The following PREPL variants were observed in gnomAD, a reference collection of about 807,000 sequenced individuals.
The protein encoded by PREPL is prolyl endopeptidase like, also known as prolyl endopeptidase-like.
A neutral mutation model predicts 70.6 loss-of-function variants in PREPL; 77 were observed. The ratio of observed to expected loss-of-function variants is 1.09; its 90% CI spans 0.91 to 1.32. PREPL has a LOEUF of 1.32. Among genes scored for constraint, PREPL ranks in the 40% most tolerant of loss-of-function variants. PREPL has a pLI of 0.00. For missense variants in PREPL, 1,002 were observed against 778.2 expected, an observed-to-expected ratio of 1.29 and a Z score of -3.42; for synonymous variants, 315 against 264.8, an observed-to-expected ratio of 1.19 and a Z score of -1.84.
intron 8 of PREPL, among the ~76,000 whole-genome samples, chr2:44,331,802 G>C (rs980693164): frequency 2.0e-5 from 3 of 152,124 alleles, no homozygotes; most frequent in Admixed American, 6.5e-5. Flanking sequence ...GACTGTATCA[G>C]TCTAGTTTAC....
chr2:44,333,674 T>C (rs1275638741), intron 7 of PREPL, among the ~76,000 whole-genome samples: 1 of 152,172 alleles, frequency 6.6e-6, no homozygotes, highest in Non-Finnish European at 1.5e-5. Context: ...GACACACATC[T>C]GCAATCTCTA....
intron 3 of PREPL, among the ~76,000 whole-genome samples, 200 bp downstream of exon 3, chr2:44,344,320 C>T (rs1012690353): frequency 2.6e-5 from 4 of 151,894 alleles, no homozygotes; most frequent in Non-Finnish European, 4.4e-5. Context: ...TGCTGGATGC[C>T]GTCTCCATTC....
chr2:44,334,215 C>A (rs1674408476), intron 7 of PREPL, among the ~76,000 whole-genome samples: 1 of 152,038 alleles, frequency 6.6e-6, no homozygotes, highest in South Asian at 2.1e-4. Context: ...ATGGACAGCA[C>A]CAGAGAGTAA....
chr2:44,329,888 T>C (rs1056341680), intron 8 of PREPL, among the ~76,000 whole-genome samples: 1 of 152,208 alleles, frequency 6.6e-6, no homozygotes, highest in African/African-American at 2.4e-5. Flanking sequence ...GATAAAGAAA[T>C]TGGTTTTCAC....
chr2:44,333,040 A>T (rs1674279531), intron 7 of PREPL, among the ~76,000 whole-genome samples: 1 of 152,204 alleles, frequency 6.6e-6, no homozygotes, highest in Admixed American at 6.5e-5. Context: ...GTTCTCAAAG[A>T]ACGTGAAATT....
At position 44,321,376 on chromosome 2, in the gene PREPL, T is replaced by A. The variant is rs1236302020; in HGVS notation, c.1897A>T (p.Lys633Ter). The change falls in exon 14 of 14, where the codon AAG (lysine) becomes TAG (stop). Residue 633 changes from lysine (K) to a stop codon, truncating the protein, a stop_gained. Coordinates refer to ENST00000409411, the MANE Select transcript of PREPL (RefSeq NM_001171613.2). LOFTEE classifies it high-confidence loss of function. ...LDSTSVFEDLKKYLKF is the reference protein window; with the variant it reads ...LDSTSVFEDL ...GTGTTTCAGAATTTCAGGTATTTCTTAAGATCCTCGAAAACACTGGTGCTG... is the reference window on the plus strand; with the variant it reads ...GTGTTTCAGAATTTCAGGTATTTCTAAAGATCCTCGAAAACACTGGTGCTG... 1 of 1,610,122 alleles carries A rather than the reference T, an allele frequency of 6.2e-7. No homozygotes were observed. Among genetic ancestry groups the A allele is most frequent in the Middle Eastern group, 1.7e-4 (1 of 6,054 alleles).
intron 13 of PREPL, 140 bp from the exon 14 acceptor site, chr2:44,321,585 G>C (rs185887199): frequency 2.0e-4 from 299 of 1,491,566 alleles, no homozygotes; most frequent in East Asian, 1.7e-3. Context: ...TCGAGAGAGA[G>C]GCAGAAGGCT....
Position 44,343,847 on chromosome 2 carries a change from CA to C in PREPL, c.246del (p.Ala83ProfsTer3). ...TCAGAATCTTCAGTTCTTATCTTGG[CA>C]GCCACATATTTTTCATCTGGAGCAA... is the stretch of plus-strand genomic sequence containing the variant. ...IRVAPDEKYV[A>X]AKIRTEDSEA... On this transcript the variant is annotated frameshift_variant, in exon 4 of 14. Transcript: ENST00000409411. LOFTEE classifies it high-confidence loss of function. The C allele has an allele frequency of 6.2e-7, 1 of 1,613,922 alleles. No homozygotes were observed. The highest frequency in any genetic ancestry group is 1.7e-5 in the Admixed American group (1 of 59,998).
At chr2:44,357,256 A>G (rs1378624097) in intron 1 of PREPL, among the ~76,000 whole-genome samples, 4 of 152,242 alleles carry the variant, frequency 2.6e-5, no homozygotes, top group Admixed American at 1.3e-4. Flanking sequence ...TAGCTCTTTA[A>G]GCAGACATTT....
intron 1 of PREPL, among the ~76,000 whole-genome samples, chr2:44,350,218 A>G (rs773416713): frequency 1.3e-5 from 2 of 152,202 alleles, no homozygotes; most frequent in Non-Finnish European, 2.9e-5. Context: ...CAAAATAAGA[A>G]CAGTAATAGT....
intron 7 of PREPL, among the ~76,000 whole-genome samples, chr2:44,336,413 T>A (rs980647957): frequency 6.6e-6 from 1 of 152,158 alleles, no homozygotes; most frequent in Non-Finnish European, 1.5e-5. Flanking sequence ...GAGGCCATTA[T>A]CCTAAGCAAG....
intron 9 of PREPL, 103 bp downstream of exon 9, chr2:44,328,834 A>G: frequency 8.3e-7 from 1 of 1,199,080 alleles, no homozygotes; most frequent in Non-Finnish European, 1.2e-6. Flanking sequence ...TTGAATAATA[A>G]GAATGAAAAA....
chr2:44,331,570 C>A (rs1175182489), intron 8 of PREPL, among the ~76,000 whole-genome samples: 1 of 152,090 alleles, frequency 6.6e-6, no homozygotes, highest in African/African-American at 2.4e-5. Context: ...AAAATGGAAT[C>A]CCCTATCTCC....
chr2:44,326,791 G>A lies in PREPL; in HGVS notation c.1400C>T (p.Thr467Ile), dbSNP rs774271785. 3 of 1,614,194 alleles carry A rather than the reference G, an allele frequency of 1.9e-6. No homozygotes were observed. Among genetic ancestry groups the A allele is most frequent in the Non-Finnish European group, 1.7e-6 (2 of 1,180,030 alleles). ...GFSQPSLTTL[T>I]AFSAGGVLAG... Reference sequence around the variant, plus strand: ...AAGCACCCCTCCAGCACTGAAAGCAGTCAGGGTTGTTAGACTTGGCTGAGA... The same window carrying A: ...AAGCACCCCTCCAGCACTGAAAGCAATCAGGGTTGTTAGACTTGGCTGAGA... The change falls in exon 10 of 14, where the codon ACT (threonine) becomes ATT (isoleucine). Residue 467 changes from threonine to isoleucine, a missense_variant. Physicochemically the swap from Thr to Ile is moderately conservative, Grantham distance 89. Transcript: ENST00000409411.
rs944899015 is a variant in PREPL at position 44,326,835 on chromosome 2, C to T, written c.1356G>A (p.Thr452=). 1.2e-5 allele frequency: 20 copies of T among 1,614,004 alleles called. No homozygotes were observed. Among genetic ancestry groups the T allele is most frequent in the Middle Eastern group, 1.6e-4 (1 of 6,084 alleles). The change falls in exon 10 of 14, where the codon ACG becomes ACA. Residue 452 remains threonine, a synonymous_variant. Transcript: ENST00000409411. ...GCTGAGAAAAGCCTTGGCCATGAAG[C>T]GTCTTAATGCAAGCCTCTAAATCAG... ...GLADLEACIK[T]LHGQGFSQPS...
At chr2:44,349,058 G>A (rs905800716) in intron 1 of PREPL, among the ~76,000 whole-genome samples, 7 of 152,080 alleles carry the variant, frequency 4.6e-5, no homozygotes, top group African/African-American at 1.7e-4. Flanking sequence ...TCCATTAGTG[G>A]TAAAAAGAAG....
Position 44,343,880 on chromosome 2 carries a change from T to C in PREPL, c.214A>G (p.Ile72Val). The change falls in exon 4 of 14, where the codon ATC (isoleucine) becomes GTC (valine). Residue 72 changes from isoleucine (I) to valine (V), a missense_variant. By Grantham distance (29) the Ile-to-Val change is conservative (BLOSUM62 3). Transcript: ENST00000409411. ...TATTTTTCATCTGGAGCAACTCTGA[T>C]ACAATCAATGAAGGGCTGGTCTAAC... is the stretch of plus-strand genomic sequence containing the variant. Reference protein sequence around the residue: ...LKLDQPFIDCIRVAPDEKYVA... With the variant: ...LKLDQPFIDCVRVAPDEKYVA... The C allele has an allele frequency of 6.2e-7, 1 of 1,614,106 alleles. No individual in the cohort carries two copies. Among genetic ancestry groups the C allele is most frequent in the South Asian group, 1.1e-5 (1 of 91,086 alleles).
At chr2:44,354,381 A>G (rs888953317) in intron 1 of PREPL, among the ~76,000 whole-genome samples, 6 of 152,068 alleles carry the variant, frequency 3.9e-5, no homozygotes, top group Non-Finnish European at 7.3e-5. Flanking sequence ...GTCTTTAAGG[A>G]CCTCCCAATA....
chr2:44,343,727 T>C lies in PREPL; in HGVS notation c.349+18A>G. On this transcript the variant is annotated intron_variant, in intron 4 of 13. Transcript: ENST00000409411. ...CGTTGCCTTTCAACACAGAGGACTA[T>C]TTTGGTTGGTGGCTTACCAAAACTG... 1 of 1,598,294 alleles carries C rather than the reference T, an allele frequency of 6.3e-7. No homozygotes were observed. Among genetic ancestry groups the C allele is most frequent in the Non-Finnish European group, 8.6e-7 (1 of 1,165,788 alleles).
Sources: gnomAD v4.1 joint callset for allele counts (sites outside exome capture counted in the v4.1 genomes callset) on GRCh38, gnomAD v4.1.1 for gene constraint, MANE v1.5 for transcripts, NCBI Gene and HGNC (gene_info 2026-07-23, HGNC 2026-07-21) for gene names.